Variants in EYA3 observed in about 807,000 individuals in gnomAD.
EYA3 encodes protein phosphatase EYA3.
EYA3 carries 39 observed loss-of-function variants against 80.0 expected under a neutral mutation model. That is an observed-to-expected ratio of 0.49 (90% CI 0.38 to 0.64). EYA3 has a LOEUF of 0.64. Among genes scored for constraint, EYA3 ranks in the 30% least tolerant of loss-of-function variants. The pLI, the probability that EYA3 is intolerant of heterozygous loss-of-function variation, is 0.00. For synonymous variants in EYA3, 206 were observed against 232.8 expected (o/e 0.88, Z 1.05); for missense variants, 523 against 676.1 (o/e 0.77, Z 2.51).
Position 28,027,807 on chromosome 1 carries a change from A to C in EYA3, c.481T>G (p.Tyr161Asp). The change falls in exon 7 of 18, where the codon TAT becomes GAT. Residue 161 changes from tyrosine to aspartate, a missense_variant. Tyr to Asp is a radical substitution (Grantham distance 160). Around this residue, in one of 2 missense-constraint regions of EYA3, gnomAD observed 304 missense variants for 343.3 expected, o/e 0.89. Transcript: ENST00000373871. ...LTTSQPSPAH[Y>D]SYPIQASSTN... ...TATTTACCTTGAATGGGATAAGAAT[A>C]ATGTGCTGGGCTTGGCTGGCTTGTG... The C allele has an allele frequency of 6.2e-7, 1 of 1,614,170 alleles. No individual in the cohort carries two copies. The highest frequency in any genetic ancestry group is 8.5e-7 in the Non-Finnish European group (1 of 1,180,008).
intron 17 of EYA3, among the ~76,000 whole-genome samples, chr1:27,975,741 C>T (rs1261858411): frequency 6.6e-6 from 1 of 152,086 alleles, no homozygotes; most frequent in African/African-American, 2.4e-5. Flanking sequence ...GTCTTGGCCT[C>T]CCAAAGTGTT....
At chr1:27,999,554 T>C (rs1640684991) in intron 12 of EYA3, among the ~76,000 whole-genome samples, 1 of 152,188 alleles carries the variant, frequency 6.6e-6, no homozygotes, top group African/African-American at 2.4e-5. Context: ...GAGACTATCC[T>C]TTAAGAATGT....
intron 1 of EYA3, among the ~76,000 whole-genome samples, chr1:28,065,412 A>G (rs1370430326): frequency 2.0e-5 from 3 of 151,944 alleles, no homozygotes; most frequent in African/African-American, 7.3e-5. Context: ...AGCTGGGACT[A>G]CAGATGCGTG....
chr1:27,973,603 G>C lies in EYA3; in HGVS notation c.*863C>G, dbSNP rs1385078052. 3 of 152,016 alleles carry C rather than the reference G, an allele frequency of 2.0e-5. No homozygotes were observed. Among genetic ancestry groups the C allele is most frequent in the Non-Finnish European group, 4.4e-5 (3 of 68,024 alleles). The allele number at this position is 152,016 out of a possible 1,614,324, so 9.4% of individuals were successfully genotyped here. A position where few individuals can be genotyped will look rare whatever the true frequency, so the allele number is the denominator to read the frequency against. Reference sequence around the variant, plus strand: ...TTTAGGGTTGTGCCATTTGACTAAAGGGAAAAGGGACTGGAAAGAAGACTA... The same window carrying C: ...TTTAGGGTTGTGCCATTTGACTAAACGGAAAAGGGACTGGAAAGAAGACTA... On this transcript the variant is annotated 3_prime_UTR_variant, in exon 18 of 18. Transcript: ENST00000373871.
intron 12 of EYA3, chr1:27,998,177 C>T (rs532857878): frequency 1.6e-5 from 5 of 321,766 alleles, no homozygotes; most frequent in African/African-American, 1.1e-4. Flanking sequence ...TTGGGTCCAT[C>T]CCAGACCTAC....
intron 13 of EYA3, 49 bp from the exon 14 acceptor site, chr1:27,993,609 TTTTG>T (rs1391542013): frequency 1.3e-6 from 2 of 1,491,654 alleles, no homozygotes; most frequent in Non-Finnish European, 1.8e-6. Flanking sequence ...AGCATAAAGT[TTTTG>T]TTTGAGTGCT....
In EYA3 at chr1:28,009,639, AAACAACAAC is replaced by A. The variant is rs374689783; in HGVS notation, c.909+1299_909+1307del. 1.8e-5 allele frequency among the ~76,000 whole-genome samples: 2 copies of A among 108,138 alleles called. No individual in the cohort carries two copies. Among genetic ancestry groups the A allele is most frequent in the Non-Finnish European group, 4.3e-5 (2 of 46,892 alleles). 70.9% of individuals were successfully genotyped at this position (108,138 alleles called of 152,430 possible). ...CACTCCAGCCTGAGACTCCATCTCAAAACAACAACAACAACAACAACAACAACAAAAAAC... is the reference window on the plus strand; with the variant it reads ...CACTCCAGCCTGAGACTCCATCTCAAAACAACAACAACAACAACAAAAAAC... On this transcript the variant is annotated intron_variant, in intron 10 of 17. Coordinates refer to ENST00000373871, the MANE Select transcript of EYA3 (RefSeq NM_001990.4). This position sits in a 1 kb window ranked among gnomAD's most constrained non-coding sequence, Gnocchi z 4.8.
At chr1:28,073,349 G>A (rs942542324) in intron 1 of EYA3, among the ~76,000 whole-genome samples, 2 of 146,354 alleles carry the variant, frequency 1.4e-5, no homozygotes, top group Non-Finnish European at 3.0e-5. Context: ...CCAGGCAGGA[G>A]TGCAGTGGCG....
intron 11 of EYA3, among the ~76,000 whole-genome samples, chr1:28,003,860 CT>C (rs1400140203): frequency 6.7e-6 from 1 of 148,774 alleles, no homozygotes; most frequent in African/African-American, 2.5e-5. Context: ...ACAAGTTTTG[CT>C]TGGTGTATTT....
chr1:28,052,863 C>T (rs1373561302), intron 2 of EYA3, among the ~76,000 whole-genome samples: 4 of 152,154 alleles, frequency 2.6e-5, no homozygotes, highest in Admixed American at 6.5e-5. Context: ...ACTACCTGAA[C>T]CCGGGAGGTG....
At chr1:28,046,714 T>C (rs1644017620) in intron 3 of EYA3, among the ~76,000 whole-genome samples, 1 of 152,194 alleles carries the variant, frequency 6.6e-6, no homozygotes, top group Non-Finnish European at 1.5e-5. Context: ...AAGTACAGAA[T>C]AGGTGGATAG....
At chr1:28,014,548 C>T (rs572105340) in intron 8 of EYA3, among the ~76,000 whole-genome samples, 3 of 150,728 alleles carry the variant, frequency 2.0e-5, no homozygotes, top group African/African-American at 7.3e-5. Context: ...ACCAACATGG[C>T]GAAACCCAGC....
At chr1:28,074,827 C>A (rs1430014453) in intron 1 of EYA3, among the ~76,000 whole-genome samples, 1 of 152,142 alleles carries the variant, frequency 6.6e-6, no homozygotes, top group Non-Finnish European at 1.5e-5. Context: ...AAATCAGATT[C>A]TTCCCCTACC....
At position 28,027,776 on chromosome 1, in the gene EYA3, C is replaced by T; in HGVS notation, c.499+13G>A. 6.2e-7 allele frequency: 1 copy of T among 1,613,606 alleles called. No individual in the cohort carries two copies. Among genetic ancestry groups the T allele is most frequent in the South Asian group, 1.1e-5 (1 of 90,980 alleles). ...AATAATTTTAAAACACACACACAAC[C>T]ATGCCTATTTACCTTGAATGGGATA... On this transcript the variant is annotated intron_variant, in intron 7 of 17. Transcript: ENST00000373871.
chr1:28,035,708 T>C (rs1396922334), intron 5 of EYA3, 28 bp from the exon 6 acceptor site: 1 of 1,609,038 alleles, frequency 6.2e-7, no homozygotes, highest in East Asian at 2.2e-5. Context: ...AACAAAAACT[T>C]TTGTGTGATT....
At chr1:28,078,745 T>A (rs1293100466) in intron 1 of EYA3, among the ~76,000 whole-genome samples, 1 of 152,168 alleles carries the variant, frequency 6.6e-6, no homozygotes, top group Non-Finnish European at 1.5e-5. Flanking sequence ...AATAAGTCTA[T>A]AAAATAGAAG....
intron 3 of EYA3, among the ~76,000 whole-genome samples, chr1:28,046,594 T>C (rs1644012946): frequency 6.6e-6 from 1 of 152,164 alleles, no homozygotes; most frequent in Non-Finnish European, 1.5e-5. Context: ...AAATCAGACA[T>C]ACCAGGAAGG....
At position 27,974,280 on chromosome 1, in the gene EYA3, AGGCAGAGAGG is replaced by A. The variant is rs1638831451; in HGVS notation, c.*176_*185del. 2 of 419,668 alleles carry A rather than the reference AGGCAGAGAGG, an allele frequency of 4.8e-6. No homozygotes were observed. The highest frequency in any genetic ancestry group is 7.5e-5 in the East Asian group (2 of 26,582). 26.0% of individuals were successfully genotyped at this position (419,668 alleles called of 1,614,324 possible). A position where few individuals can be genotyped will look rare whatever the true frequency, so the allele number is the denominator to read the frequency against. On this transcript the variant is annotated 3_prime_UTR_variant, in exon 18 of 18. Transcript: ENST00000373871. ...AAGACAGAGAGAGAGAGAGAGAGAG[AGGCAGAGAGG>A]GAGGGAGAGAGGAAGGGAGGGAGGG...
rs1167616902 is a variant in EYA3, at chr1:27,973,272, T to C, written c.*1194A>G. 6.6e-6 allele frequency: 1 copy of C among 152,190 alleles called. No individual in the cohort carries two copies. The highest frequency in any genetic ancestry group is 1.9e-4 in the East Asian group (1 of 5,186). 9.4% of individuals were successfully genotyped at this position (152,190 alleles called of 1,614,324 possible). A position where few individuals can be genotyped will look rare whatever the true frequency, so the allele number is the denominator to read the frequency against. On this transcript the variant is annotated 3_prime_UTR_variant, in exon 18 of 18. Transcript: ENST00000373871. ...GCCAAAATGTAGTTATAAGCATGTTTTTAGATTTGATTTGAATTCTTGGGT... is the reference window on the plus strand; with the variant it reads ...GCCAAAATGTAGTTATAAGCATGTTCTTAGATTTGATTTGAATTCTTGGGT...
Sources: allele counts gnomAD v4.1 joint callset (sites outside exome capture counted in the v4.1 genomes callset), GRCh38; gene constraint gnomAD v4.1.1; regional missense constraint gnomAD v4.1.1; non-coding constraint Gnocchi (gnomAD v3.1); transcripts MANE v1.5; gene names NCBI Gene and HGNC (gene_info 2026-07-23, HGNC 2026-07-21).